The following TRIO variants were observed in gnomAD, a reference collection of about 807,000 sequenced individuals.
TRIO encodes triple functional domain protein.
In TRIO, 58 loss-of-function variants were observed where a neutral mutation model predicts 351.9. The ratio of observed to expected loss-of-function variants is 0.16; its 90% CI spans 0.13 to 0.21. The LOEUF is 0.21. TRIO is among the 10% of genes least tolerant of loss of function. The pLI is 1.00. For missense variants in TRIO, 3,201 were observed against 4,027.8 expected (o/e 0.79, Z 5.56); for synonymous variants, 1,758 against 1,595.7 (o/e 1.10, Z -2.42).
chr5:14,422,353 A>G (rs773223715), intron 34 of TRIO, among the ~76,000 whole-genome samples: 1 of 152,224 alleles, frequency 6.6e-6, no homozygotes, highest in Non-Finnish European at 1.5e-5. Context: ...GGCAGGAGGA[A>G]GGAGCACCTT....
rs540705321 is a variant in TRIO, at chr5:14,277,590, A to G, written c.233-2732A>G. On this transcript the variant is annotated intron_variant, in intron 2 of 56. Transcript: ENST00000344204. ...ATAACACACACACATGAGTGTATCT[A>G]ATAGGTGAAGTTTTTATGAACTGCA... Among the ~76,000 whole-genome samples the G allele has an allele frequency of 1.3e-4, 20 of 152,346 alleles. 1 individual carries two copies. The highest frequency in any genetic ancestry group is 4.8e-4 in the African/African-American group (20 of 41,576).
intron 21 of TRIO, among the ~76,000 whole-genome samples, chr5:14,384,710 G>T (rs146551942): frequency 6.6e-6 from 1 of 151,906 alleles, no homozygotes; most frequent in African/African-American, 2.4e-5. Context: ...TTATATCCTC[G>T]TATGGAGAAA....
At chr5:14,227,561 T>C (rs1322963088) in intron 1 of TRIO, among the ~76,000 whole-genome samples, 2 of 152,210 alleles carry the variant, frequency 1.3e-5, no homozygotes, top group Non-Finnish European at 2.9e-5. Flanking sequence ...ACTTTGTTCC[T>C]CTAAGATTTG....
chr5:14,477,043 C>G, intron 41 of TRIO, 80 bp downstream of exon 41: 2 of 1,260,034 alleles, frequency 1.6e-6, no homozygotes, highest in Non-Finnish European at 2.3e-6. Flanking sequence ...AAGGAGAACT[C>G]ACTTATACTT....
At chr5:14,253,980 T>G (rs1240391582) in intron 1 of TRIO, among the ~76,000 whole-genome samples, 1 of 152,128 alleles carries the variant, frequency 6.6e-6, no homozygotes, top group Non-Finnish European at 1.5e-5. Flanking sequence ...CTGATTTTTT[T>G]TTTTGGAAAA....
chr5:14,337,641 T>C (rs1221488042), intron 11 of TRIO, among the ~76,000 whole-genome samples: 1 of 152,152 alleles, frequency 6.6e-6, no homozygotes, highest in African/African-American at 2.4e-5. Context: ...GAGGCCTGAC[T>C]TGCCTCATTT....
Position 14,381,206 on chromosome 5 carries a change from C to T in TRIO, c.3524C>T (p.Thr1175Ile). ...HTSTGSSIQH[T>I]QELLKEHEEF... is the part of the protein sequence containing the mutation. Reference sequence around the variant, plus strand: ...TCCACGGGCTCCAGTATACAGCACACCCAGGAGCTCCTGAAAGAGCACGAG... The same window carrying T: ...TCCACGGGCTCCAGTATACAGCACATCCAGGAGCTCCTGAAAGAGCACGAG... Residue 1175 changes from threonine (T) to isoleucine (I), a missense_variant, in exon 21 of 57, where the codon ACC becomes ATC. Thr to Ile is a moderately conservative substitution (Grantham distance 89, BLOSUM62 -1). Around this residue, in one of 19 missense-constraint regions of TRIO, gnomAD observed 201 missense variants for 266.5 expected, o/e 0.75. Transcript: ENST00000344204. The T allele has an allele frequency of 6.2e-7, 1 of 1,614,008 alleles. No homozygotes were observed. Among genetic ancestry groups the T allele is most frequent in the Non-Finnish European group, 8.5e-7 (1 of 1,179,980 alleles).
At chr5:14,484,409 G>A (rs1755765375) in intron 46 of TRIO, among the ~76,000 whole-genome samples, 1 of 152,136 alleles carries the variant, frequency 6.6e-6, no homozygotes, top group African/African-American at 2.4e-5. Flanking sequence ...TAATTGTTCA[G>A]GCTGTTAGTT....
chr5:14,381,228 C>T lies in TRIO; in HGVS notation c.3546C>T (p.His1182=), dbSNP rs760968824. The change falls in exon 21 of 57, where the codon CAC becomes CAT. Residue 1182 remains histidine (H), a synonymous_variant. Transcript: ENST00000344204. The stretch of plus-strand genomic sequence containing the variant: ...ACACCCAGGAGCTCCTGAAAGAGCA[C>T]GAGGAGTTCCAGATAACTGCAAAGG... ...IQHTQELLKE[H]EEFQITAKQT... is the part of the protein sequence containing the mutation. 1.1e-5 allele frequency: 18 copies of T among 1,612,802 alleles called. No individual in the cohort carries two copies. The East Asian group carries it at 1.3e-4, about 12-fold the overall frequency.
intron 21 of TRIO, among the ~76,000 whole-genome samples, chr5:14,382,464 A>G (rs1257613556): frequency 6.6e-6 from 1 of 152,122 alleles, no homozygotes; most frequent in Non-Finnish European, 1.5e-5. Context: ...ACAGGCAAGC[A>G]GGGCTGCAGA....
In TRIO at chr5:14,404,536, A is replaced by G. The variant is rs1025915352; in HGVS notation, c.4717-1312A>G. Among the ~76,000 whole-genome samples the G allele has an allele frequency of 1.6e-4, 24 of 152,158 alleles. 1 individual carries two copies. ...CAAACTCTGCCAGTTGTTCTTTTGC[A>G]GGTACTTCTCTTTAGTTGACCTTCC... On this transcript the variant is annotated intron_variant, in intron 31 of 56. Transcript: ENST00000344204.
At chr5:14,448,783 A>G (rs1483906740) in intron 34 of TRIO, among the ~76,000 whole-genome samples, 1 of 152,066 alleles carries the variant, frequency 6.6e-6, no homozygotes. Context: ...TCTTTCACCC[A>G]GCAAGGCTAT....
At chr5:14,229,009 G>T (rs1366909538) in intron 1 of TRIO, among the ~76,000 whole-genome samples, 2 of 152,198 alleles carry the variant, frequency 1.3e-5, no homozygotes, top group African/African-American at 4.8e-5. Context: ...TAAAATTTAG[G>T]AGTATTTATT....
intron 34 of TRIO, among the ~76,000 whole-genome samples, chr5:14,436,444 C>T (rs1751593712): frequency 6.6e-6 from 1 of 151,640 alleles, no homozygotes. Context: ...CGTATCATTC[C>T]ACCCCTGGTC....
At chr5:14,290,212 G>A (rs1736789239) in intron 4 of TRIO, among the ~76,000 whole-genome samples, 1 of 152,222 alleles carries the variant, frequency 6.6e-6, no homozygotes, top group African/African-American at 2.4e-5. Context: ...AATTTAGAGT[G>A]ATGTTACACT....
At chr5:14,381,483 CTCCTTTTCTTCCTTG>C (rs1425634186) in intron 21 of TRIO, among the ~76,000 whole-genome samples, 3 of 152,160 alleles carry the variant, frequency 2.0e-5, no homozygotes, top group African/African-American at 7.2e-5. Flanking sequence ...GGCCATCTCT[CTCCTTTTCTTCCTTG>C]TCCTTCCCAT....
chr5:14,406,805 C>A, intron 33 of TRIO, 133 bp downstream of exon 33: 1 of 836,836 alleles, frequency 1.2e-6, no homozygotes, highest in Non-Finnish European at 1.9e-6. Context: ...GGAGTGGTGC[C>A]AGGATCCCGT....
chr5:14,274,774 G>A (rs1735353494), intron 2 of TRIO, among the ~76,000 whole-genome samples: 2 of 152,122 alleles, frequency 1.3e-5, no homozygotes, highest in South Asian at 2.1e-4. Context: ...TATATATGAT[G>A]TTTTGATTCA....
intron 10 of TRIO, among the ~76,000 whole-genome samples, chr5:14,332,869 G>A (rs1334693236): frequency 6.6e-6 from 1 of 152,152 alleles, no homozygotes; most frequent in African/African-American, 2.4e-5. Flanking sequence ...AGGCGCTTGT[G>A]GTGCTGTCTT....
Sources: allele counts gnomAD v4.1 joint callset (sites outside exome capture counted in the v4.1 genomes callset), GRCh38; gene constraint gnomAD v4.1.1; regional missense constraint gnomAD v4.1.1; transcripts MANE v1.5; gene names NCBI Gene and HGNC (gene_info 2026-07-23, HGNC 2026-07-21).